The following PDE4B variants were observed in gnomAD, a reference collection of about 807,000 sequenced individuals.
PDE4B encodes the protein 3',5'-cyclic-AMP phosphodiesterase 4B.
In PDE4B, 20 loss-of-function variants were observed where a neutral mutation model predicts 82.2. The ratio of observed to expected loss-of-function variants is 0.24; its 90% CI spans 0.17 to 0.35. The LOEUF is 0.35. PDE4B is among the 10% of genes least tolerant of loss of function. PDE4B has a pLI of 1.00. For missense variants in PDE4B, 655 were observed against 907.2 expected (o/e 0.72, Z 3.57); for synonymous variants, 320 against 318.9 (o/e 1.00, Z -0.04).
At chr1:66,344,404 T>G (rs1159945595) in intron 8 of PDE4B, among the ~76,000 whole-genome samples, 1 of 152,246 alleles carries the variant, frequency 6.6e-6, no homozygotes, top group Non-Finnish European at 1.5e-5. Context: ...TCAGTATCAT[T>G]TAATTTCAGA....
chr1:66,017,169 G>A (rs2100755996), intron 3 of PDE4B, among the ~76,000 whole-genome samples: 1 of 152,248 alleles, frequency 6.6e-6, no homozygotes, highest in South Asian at 2.1e-4. Context: ...GAATATTAGA[G>A]CAAACATTTG....
chr1:66,315,860 C>G (rs564890391), intron 7 of PDE4B, among the ~76,000 whole-genome samples: 35 of 152,082 alleles, frequency 2.3e-4, no homozygotes, highest in Non-Finnish European at 5.0e-4. Flanking sequence ...TCCCTACCTA[C>G]GAGGAAGTGT....
At chr1:65,829,247 C>A (rs1052763283) in intron 1 of PDE4B, among the ~76,000 whole-genome samples, 1 of 152,168 alleles carries the variant, frequency 6.6e-6, no homozygotes, top group South Asian at 2.1e-4. Flanking sequence ...AATAATGGAG[C>A]AAATTATCCA....
chr1:66,107,856 C>T (rs1645400692), intron 3 of PDE4B, among the ~76,000 whole-genome samples: 1 of 151,610 alleles, frequency 6.6e-6, no homozygotes, highest in African/African-American at 2.4e-5. Context: ...CTTATTGATG[C>T]CAAGTATATG....
At chr1:65,917,267 G>T (rs1195215083) in intron 2 of PDE4B, among the ~76,000 whole-genome samples, 2 of 152,156 alleles carry the variant, frequency 1.3e-5, no homozygotes, top group Non-Finnish European at 2.9e-5. Flanking sequence ...TAGGGGCCGT[G>T]GGGTAGAGGA....
intron 3 of PDE4B, among the ~76,000 whole-genome samples, chr1:66,198,774 C>A (rs1256785205): frequency 2.6e-5 from 4 of 151,346 alleles, no homozygotes; most frequent in African/African-American, 7.3e-5. Flanking sequence ...CCCCACCCCA[C>A]AACAGTCCCT....
At chr1:66,231,227 C>A (rs1325683877) in intron 3 of PDE4B, among the ~76,000 whole-genome samples, 1 of 152,024 alleles carries the variant, frequency 6.6e-6, no homozygotes, top group Non-Finnish European at 1.5e-5. Context: ...TCAGCTAGAC[C>A]ATTTAAGGTA....
intron 3 of PDE4B, among the ~76,000 whole-genome samples, chr1:66,192,610 G>T (rs1171842959): frequency 1.3e-5 from 2 of 152,152 alleles, no homozygotes; most frequent in African/African-American, 4.8e-5. Flanking sequence ...AGGTTCTCAA[G>T]AAATATAGGA....
At chr1:66,075,260 T>A (rs1490634502) in intron 3 of PDE4B, among the ~76,000 whole-genome samples, 1 of 151,978 alleles carries the variant, frequency 6.6e-6, no homozygotes, top group Non-Finnish European at 1.5e-5. Flanking sequence ...TAAGCCCCAA[T>A]TTTGGGGTTC....
chr1:66,302,737 T>G (rs1657988074), intron 7 of PDE4B, among the ~76,000 whole-genome samples: 1 of 152,176 alleles, frequency 6.6e-6, no homozygotes, highest in Non-Finnish European at 1.5e-5. Flanking sequence ...TTGCTTGCTT[T>G]CTGGTGCAAC....
At chr1:66,009,837 G>A (rs991765928) in intron 3 of PDE4B, among the ~76,000 whole-genome samples, 12 of 151,892 alleles carry the variant, frequency 7.9e-5, no homozygotes, top group Non-Finnish European at 1.5e-4. Flanking sequence ...AGCACCTGAT[G>A]TATATATCTA....
chr1:65,980,400 T>G (rs1024262760), intron 3 of PDE4B, among the ~76,000 whole-genome samples: 6 of 152,202 alleles, frequency 3.9e-5, no homozygotes, highest in Admixed American at 3.9e-4. Context: ...CAGCTGTTGC[T>G]GTCACGATTC....
At position 66,053,243 on chromosome 1, in the gene PDE4B, T is replaced by C. The variant is rs866452227; in HGVS notation, c.281+134408T>C. Among the ~76,000 whole-genome samples the C allele has an allele frequency of 1.2e-4, 19 of 152,356 alleles. No individual in the cohort carries two copies. The Middle Eastern group carries it at 0.01, about 82-fold the overall frequency. On this transcript the variant is annotated intron_variant, in intron 3 of 16. Transcript: ENST00000341517. ...AAATGTTTGTTGAATAAATTATACA[T>C]GTTCTTATATTCAGACATTAGAAAA... is the stretch of plus-strand genomic sequence containing the variant.
At chr1:66,213,508 C>G (rs1650223833) in intron 3 of PDE4B, among the ~76,000 whole-genome samples, 1 of 152,180 alleles carries the variant, frequency 6.6e-6, no homozygotes, top group Admixed American at 6.5e-5. Context: ...ACTATAATCA[C>G]TTTTACTGCA....
intron 1 of PDE4B, among the ~76,000 whole-genome samples, chr1:65,853,812 G>A (rs1314664874): frequency 6.6e-6 from 1 of 152,200 alleles, no homozygotes; most frequent in East Asian, 1.9e-4. Context: ...ACAGGCATGA[G>A]CCACCGCGCC....
At chr1:65,984,931 T>A (rs1021189321) in intron 3 of PDE4B, among the ~76,000 whole-genome samples, 29 of 152,156 alleles carry the variant, frequency 1.9e-4, no homozygotes, top group Non-Finnish European at 5.9e-5. Context: ...CTAAATTTAA[T>A]TTTAAATTTA....
chr1:66,151,188 C>T (rs894583957), intron 3 of PDE4B, among the ~76,000 whole-genome samples: 19 of 152,048 alleles, frequency 1.2e-4, no homozygotes, highest in Non-Finnish European at 7.4e-5. Context: ...TTGGGTGTTT[C>T]GTGGAACAAA....
chr1:66,149,034 C>G (rs548357754), intron 3 of PDE4B, among the ~76,000 whole-genome samples: 1 of 152,170 alleles, frequency 6.6e-6, no homozygotes, highest in Admixed American at 6.5e-5. Context: ...TATGTTTAAC[C>G]TTTTGAAGAA....
intron 1 of PDE4B, among the ~76,000 whole-genome samples, chr1:65,863,811 GACTA>G (rs939265207): frequency 5.9e-5 from 9 of 152,084 alleles, no homozygotes; most frequent in Non-Finnish European, 8.8e-5. Flanking sequence ...TTTTATCAGA[GACTA>G]GGATTGCAAC....
Sources: gnomAD v4.1 joint callset for allele counts (sites outside exome capture counted in the v4.1 genomes callset) on GRCh38, gnomAD v4.1.1 for gene constraint, MANE v1.5 for transcripts, NCBI Gene and HGNC (gene_info 2026-07-23, HGNC 2026-07-21) for gene names.